COLGALT1: variants seen among roughly 807,000 people sequenced by gnomAD.
COLGALT1 encodes the protein procollagen galactosyltransferase 1.
Under a neutral mutation model 60.8 loss-of-function variants are expected in COLGALT1, and 43 were observed. That is an observed-to-expected ratio of 0.71 (90% CI 0.55 to 0.91). The LOEUF is 0.91. Among genes scored for constraint, COLGALT1 ranks in the 40% least tolerant of loss-of-function variants. COLGALT1 has a pLI of 0.00. For missense variants in COLGALT1, 845 were observed against 880.0 expected (o/e 0.96, Z 0.50); for synonymous variants, 369 against 374.2 (o/e 0.99, Z 0.16).
chr19:17,564,282 T>TGTGC (rs1490600265), intron 3 of COLGALT1, among the ~76,000 whole-genome samples: 1 of 150,488 alleles, frequency 6.6e-6, no homozygotes, highest in South Asian at 2.1e-4. Flanking sequence ...TGTGTATGTG[T>TGTGC]GTGCGTGTGT....
In COLGALT1 at chr19:17,572,622, G is replaced by A. The variant is rs372806504; in HGVS notation, c.949+20G>A. 212 of 1,612,970 alleles carry A rather than the reference G, an allele frequency of 1.3e-4. No individual in the cohort carries two copies. The African/African-American group carries it at 2.4e-3, about 19-fold the overall frequency. On this transcript the variant is annotated intron_variant, in intron 6 of 11. Coordinates refer to ENST00000252599, the MANE Select transcript of COLGALT1 (RefSeq NM_024656.4). Reference sequence around the variant, plus strand: ...TCATGGGTGAGTCTGCCTGCACACCGCCCTGGGAGGTGCCAGGTTGCCTCC... The same window carrying A: ...TCATGGGTGAGTCTGCCTGCACACCACCCTGGGAGGTGCCAGGTTGCCTCC...
intron 2 of COLGALT1, 66 bp downstream of exon 2, chr19:17,559,487 TC>T: frequency 8.0e-7 from 1 of 1,251,770 alleles, no homozygotes; most frequent in Non-Finnish European, 1.1e-6. Context: ...CCTCTATGGC[TC>T]CCCATTGCCC....
At position 17,555,990 on chromosome 19, in the gene COLGALT1, G is replaced by A; in HGVS notation, c.260+17G>A. On this transcript the variant is annotated intron_variant, in intron 1 of 11. Coordinates refer to ENST00000252599, the MANE Select transcript of COLGALT1 (RefSeq NM_024656.4). ...GGCGCTATGGTGAGTCGAGCCCGCT[G>A]TCCCCATCAGGCGGGTCACGCGAGC... 1.5e-6 allele frequency: 2 copies of A among 1,310,722 alleles called. No individual in the cohort carries two copies. Among genetic ancestry groups the A allele is most frequent in the Non-Finnish European group, 9.7e-7 (1 of 1,027,062 alleles). 81.2% of individuals were successfully genotyped at this position (1,310,722 alleles called of 1,614,324 possible). A position where few individuals can be genotyped will look rare whatever the true frequency, so the allele number is the denominator to read the frequency against.
rs145865938 is a variant in COLGALT1, at chr19:17,571,394, C to T, written c.830-1089C>T. 3.1e-3 allele frequency among the ~76,000 whole-genome samples: 466 copies of T among 151,530 alleles called. 4 individuals carry two copies. Among genetic ancestry groups the T allele is most frequent in the African/African-American group, 0.011 (458 of 41,258 alleles). On this transcript the variant is annotated intron_variant, in intron 5 of 11. Transcript: ENST00000252599. ...CTGCAATCCAGCCTGGGCGACAGAG[C>T]GAGACTCTGTCTCAAAAAAAATAAA...
intron 9 of COLGALT1, 151 bp from the exon 10 acceptor site, chr19:17,579,331 T>G (rs2076364089): frequency 1.9e-6 from 2 of 1,042,128 alleles, no homozygotes; most frequent in Non-Finnish European, 1.4e-6. Context: ...GGCAGAGGTT[T>G]GGATGTCCAG....
chr19:17,559,468 C>T, intron 2 of COLGALT1, 47 bp downstream of exon 2: 1 of 1,387,734 alleles, frequency 7.2e-7, no homozygotes, highest in Non-Finnish European at 1.0e-6. Flanking sequence ...TTTGCCTCTG[C>T]TCACACACCC....
At position 17,581,094 on chromosome 19, in the gene COLGALT1, ACTT is replaced by A. The variant is rs528025663; in HGVS notation, c.1602-78_1602-76del. ...CTTACGTTTTAATCTGTCCCCGCTG[ACTT>A]CTTCACCCCCAATTTTTCCTCCAGC... is the stretch of plus-strand genomic sequence containing the variant. On this transcript the variant is annotated intron_variant, in intron 11 of 11. Transcript: ENST00000252599. 576 of 1,501,958 alleles carry A rather than the reference ACTT, an allele frequency of 3.8e-4. 1 individual carries two copies. The African/African-American group carries it at 6.7e-3, about 17-fold the overall frequency. 93.0% of individuals were successfully genotyped at this position (1,501,958 alleles called of 1,614,324 possible). A position where few individuals can be genotyped will look rare whatever the true frequency, so the allele number is the denominator to read the frequency against.
intron 6 of COLGALT1, among the ~76,000 whole-genome samples, chr19:17,576,679 G>T (rs1472757246): frequency 1.3e-5 from 2 of 149,298 alleles, no homozygotes; most frequent in Admixed American, 6.7e-5. Context: ...TAAAGGTGGG[G>T]CTGGGGGGGT....
Position 17,572,686 on chromosome 19 carries a change from CTGAG to C in COLGALT1, c.949+87_949+90del, listed in dbSNP as rs369986061. On this transcript the variant is annotated intron_variant, in intron 6 of 11. Coordinates refer to ENST00000252599, the MANE Select transcript of COLGALT1 (RefSeq NM_024656.4). ...CTCAAATCCGTCCCATGAGCACTGA[CTGAG>C]TGCCAGGCAGATGCAAGTCCCTGTG... 3.1e-4 allele frequency: 494 copies of C among 1,575,156 alleles called. 2 individuals carry two copies. The East Asian group carries it at 0.01, about 33-fold the overall frequency.
chr19:17,571,495 C>T (rs751502477), intron 5 of COLGALT1, among the ~76,000 whole-genome samples: 2 of 151,746 alleles, frequency 1.3e-5, no homozygotes, highest in Non-Finnish European at 2.9e-5. Context: ...CAGTGGATCA[C>T]TTGAGGTCAG....
At chr19:17,578,848 T>A (rs1272131822) in intron 9 of COLGALT1, among the ~76,000 whole-genome samples, 1 of 152,046 alleles carries the variant, frequency 6.6e-6, no homozygotes, top group African/African-American at 2.4e-5. Context: ...TAGACTCTAC[T>A]AAAAATACAA....
chr19:17,556,001 G>A, intron 1 of COLGALT1, 28 bp downstream of exon 1: 1 of 1,294,326 alleles, frequency 7.7e-7, no homozygotes, highest in Non-Finnish European at 9.8e-7. Flanking sequence ...TCCCCATCAG[G>A]CGGGTCACGC....
rs750800935 is a variant in COLGALT1, at chr19:17,581,340, G to A, written c.1765G>A (p.Ala589Thr). Residue 589 changes from alanine to threonine, a missense_variant, in exon 12 of 12, where the codon GCC becomes ACC. Coordinates refer to ENST00000252599, the MANE Select transcript of COLGALT1 (RefSeq NM_024656.4). ...GCACGTCAAGACCGACTGGGACCGC[G>A]CCAAGTCCCAGAAGATGCGGGAGCA... ...NEHVKTDWDRAKSQKMREQQA... is the reference protein window; with the variant it reads ...NEHVKTDWDRTKSQKMREQQA... 1.2e-6 allele frequency: 2 copies of A among 1,613,402 alleles called. No homozygotes were observed. The highest frequency in any genetic ancestry group is 1.1e-5 in the South Asian group (1 of 91,058).
intron 10 of COLGALT1, chr19:17,579,840 A>T (rs1265496577): frequency 1.8e-6 from 1 of 556,964 alleles, no homozygotes; most frequent in African/African-American, 1.9e-5. Context: ...GCTGCAGCTG[A>T]GCCTAGAGCC....
intron 5 of COLGALT1, among the ~76,000 whole-genome samples, chr19:17,570,142 C>T (rs2076304015): frequency 6.6e-6 from 1 of 152,182 alleles, no homozygotes; most frequent in African/African-American, 2.4e-5. Context: ...ATCTGCCCAC[C>T]TCGGCCTCCC....
In COLGALT1 at chr19:17,582,120, G is replaced by A. The variant is rs8110571; in HGVS notation, c.*676G>A. The A allele has an allele frequency of 0.76, 115,019 of 152,202 alleles. 43,695 individuals are homozygous for A. Among genetic ancestry groups the A allele is most frequent in the East Asian group, 0.86 (4,450 of 5,156 alleles). 9.4% of individuals were successfully genotyped at this position (152,202 alleles called of 1,614,324 possible). A position where few individuals can be genotyped will look rare whatever the true frequency, so the allele number is the denominator to read the frequency against. On this transcript the variant is annotated 3_prime_UTR_variant, in exon 12 of 12. Transcript: ENST00000252599. Reference sequence around the variant, plus strand: ...GACGGGGTTTCACCATGTTGGCCAGGCTGGTCTCGAACTCCTGACCTCAAG... The same window carrying A: ...GACGGGGTTTCACCATGTTGGCCAGACTGGTCTCGAACTCCTGACCTCAAG...
chr19:17,559,533 G>C, intron 2 of COLGALT1, 112 bp downstream of exon 2: 1 of 790,518 alleles, frequency 1.3e-6, no homozygotes, highest in Admixed American at 2.2e-5. Context: ...CCTGCCTCCA[G>C]CCCAGCCAGG....
intron 3 of COLGALT1, among the ~76,000 whole-genome samples, chr19:17,563,899 C>T (rs2054910802): frequency 6.6e-6 from 1 of 151,172 alleles, no homozygotes; most frequent in African/African-American, 2.4e-5. Flanking sequence ...CTTTCTCTCT[C>T]TTTTTACAAA....
intron 8 of COLGALT1, 69 bp downstream of exon 8, chr19:17,577,536 A>G (rs1426529518): frequency 6.1e-6 from 8 of 1,314,474 alleles, no homozygotes; most frequent in Non-Finnish European, 8.0e-6. Flanking sequence ...TCGCTGGTAG[A>G]CGGCAAGTGA....
Sources: gnomAD v4.1 joint callset for allele counts (sites outside exome capture counted in the v4.1 genomes callset) on GRCh38, gnomAD v4.1.1 for gene constraint, MANE v1.5 for transcripts, NCBI Gene and HGNC (gene_info 2026-07-23, HGNC 2026-07-21) for gene names.